Variants in KIAA1671 observed in about 807,000 individuals in gnomAD.
The protein encoded by KIAA1671 is KIAA1671.
Under a neutral mutation model 131.2 loss-of-function variants are expected in KIAA1671, and 52 were observed. The ratio of observed to expected loss-of-function variants is 0.40; its 90% confidence interval spans 0.32 to 0.50. KIAA1671 has a LOEUF of 0.50. KIAA1671 is among the 20% of genes least tolerant of loss of function. The probability of loss-of-function intolerance (pLI) is 0.73; values close to 1 mark genes in which losing one functional copy is unlikely to be tolerated. For synonymous variants in KIAA1671, 1,003 were observed against 961.6 expected (o/e 1.04, Z -0.80); for missense variants, 2,360 against 2,364.2 (o/e 1.00, Z 0.04).
chr22:25,108,464 G>A (rs1310187103), intron 6 of KIAA1671, among the ~76,000 whole-genome samples: 1 of 152,160 alleles, frequency 6.6e-6, no homozygotes, highest in Non-Finnish European at 1.5e-5. Flanking sequence ...CATGGTGTAG[G>A]AGCTCACTAT....
chr22:25,047,805 A>G (rs1224750067), intron 5 of KIAA1671, among the ~76,000 whole-genome samples: 1 of 152,230 alleles, frequency 6.6e-6, no homozygotes, highest in Admixed American at 6.5e-5. Flanking sequence ...TTAAAGCACA[A>G]AAGTTTTTAA....
chr22:25,015,878 G>GTT (rs1925287637), intron 1 of KIAA1671, among the ~76,000 whole-genome samples: 1 of 152,120 alleles, frequency 6.6e-6, no homozygotes, highest in Admixed American at 6.5e-5. Flanking sequence ...TGCTAATTAT[G>GTT]TCAATTCTTA....
chr22:24,962,738 C>A (rs1922079341), intron 1 of KIAA1671, among the ~76,000 whole-genome samples: 1 of 152,156 alleles, frequency 6.6e-6, no homozygotes, highest in South Asian at 2.1e-4. Context: ...TGCTTCCCTT[C>A]CTGGGAGCCA....
At chr22:25,097,289 GTGT>G (rs903323476) in intron 6 of KIAA1671, among the ~76,000 whole-genome samples, 15 of 152,274 alleles carry the variant, frequency 9.9e-5, no homozygotes, top group African/African-American at 2.4e-4. Context: ...TGGTACAATG[GTGT>G]TGTTTCATCA....
At chr22:25,042,503 G>T (rs910250302) in intron 5 of KIAA1671, among the ~76,000 whole-genome samples, 1 of 120,466 alleles carries the variant, frequency 8.3e-6, no homozygotes, top group African/African-American at 3.4e-5. Flanking sequence ...GTCTCACACT[G>T]TCACCTGGGC....
chr22:25,129,700 C>T (rs1300462610), intron 6 of KIAA1671, among the ~76,000 whole-genome samples: 1 of 150,504 alleles, frequency 6.6e-6, no homozygotes, highest in Non-Finnish European at 1.5e-5. Flanking sequence ...CCCTGTTCCC[C>T]AGGCTGGAGT....
chr22:25,021,091 G>T (rs2123891224), intron 1 of KIAA1671, among the ~76,000 whole-genome samples: 1 of 152,214 alleles, frequency 6.6e-6, no homozygotes, highest in Non-Finnish European at 1.5e-5. Context: ...TTAAGACAGG[G>T]TCTGGCTTTG....
chr22:24,979,410 G>A (rs1400253243), intron 1 of KIAA1671, among the ~76,000 whole-genome samples: 1 of 149,108 alleles, frequency 6.7e-6, no homozygotes, highest in Non-Finnish European at 1.5e-5. Flanking sequence ...ACTGCAGTGC[G>A]GCTATCTCAG....
At position 25,100,001 on chromosome 22, in the gene KIAA1671, GC is replaced by G. The variant is rs556335534; in HGVS notation, c.4530+50641del. ...TGAGGCAGGAGAAGGTGGTGCAAGG[GC>G]CCCAGGCCATACAGTATTTGTAACT... On this transcript the variant is annotated intron_variant, in intron 6 of 12. Transcript: ENST00000358431. 3.0e-3 allele frequency among the ~76,000 whole-genome samples: 452 copies of G among 152,346 alleles called. 6 individuals are homozygous for G. Among genetic ancestry groups the G allele is most frequent in the Admixed American group, 7.1e-3 (109 of 15,310 alleles).
chr22:24,965,633 G>A lies in KIAA1671; in HGVS notation c.-208+12861G>A, dbSNP rs1162458042. On this transcript the variant is annotated intron_variant, in intron 1 of 12. Coordinates refer to ENST00000358431, the MANE Select transcript of KIAA1671 (RefSeq NM_001145206.2). Reference sequence around the variant, plus strand: ...GCGACACCTGTAATCCCAGCTACTCGGGAGGCTGAGGCGGGAGAATCGCTT... The same window carrying A: ...GCGACACCTGTAATCCCAGCTACTCAGGAGGCTGAGGCGGGAGAATCGCTT... 4.0e-5 allele frequency among the ~76,000 whole-genome samples: 6 copies of A among 151,742 alleles called. No homozygotes were observed. In the East Asian group the frequency reaches 9.6e-4, roughly 24 times the overall value.
At chr22:25,063,278 T>C (rs149830415) in intron 6 of KIAA1671, 2 of 152,256 alleles carry the variant, frequency 1.3e-5, no homozygotes, top group Admixed American at 1.3e-4. Context: ...AGCTAAACTG[T>C]GTCTACTTGC....
At chr22:24,969,282 C>T (rs373615079) in intron 1 of KIAA1671, among the ~76,000 whole-genome samples, 17 of 152,194 alleles carry the variant, frequency 1.1e-4, no homozygotes, top group East Asian at 7.7e-4. Flanking sequence ...CCTCAGATAC[C>T]GAAATCTGAG....
chr22:24,992,837 A>AAAAAAAAAAC, intron 1 of KIAA1671, among the ~76,000 whole-genome samples: 1 of 151,378 alleles, frequency 6.6e-6, no homozygotes, highest in Non-Finnish European at 1.5e-5. Flanking sequence ...AAAAAAAAAA[A>AAAAAAAAAAC]AGACAATGCC....
chr22:25,179,702 CTCTT>C (rs1340476094), intron 9 of KIAA1671: 1 of 597,198 alleles, frequency 1.7e-6, no homozygotes, highest in Non-Finnish European at 2.9e-6. Context: ...TTAATTGAGG[CTCTT>C]TGAGTTACAA....
intron 6 of KIAA1671, among the ~76,000 whole-genome samples, chr22:25,155,240 C>T (rs1233152365): frequency 6.6e-6 from 1 of 152,196 alleles, no homozygotes; most frequent in Non-Finnish European, 1.5e-5. Context: ...CATGTTAATT[C>T]CCTTGCACTG....
At chr22:25,026,069 A>G (rs1034512992) in intron 2 of KIAA1671, among the ~76,000 whole-genome samples, 3 of 152,130 alleles carry the variant, frequency 2.0e-5, no homozygotes, top group Non-Finnish European at 4.4e-5. Flanking sequence ...CAGATTCTTC[A>G]TATCTGTCCC....
At chr22:25,069,187 C>G (rs895740802) in intron 6 of KIAA1671, among the ~76,000 whole-genome samples, 39 of 152,100 alleles carry the variant, frequency 2.6e-4, no homozygotes, top group African/African-American at 8.9e-4. Flanking sequence ...ATACTGCCCT[C>G]ATGATATGAC....
intron 1 of KIAA1671, among the ~76,000 whole-genome samples, chr22:24,961,414 A>C (rs937125584): frequency 1.3e-5 from 2 of 152,214 alleles, no homozygotes; most frequent in African/African-American, 4.8e-5. Context: ...TTCTGTGATC[A>C]TACTGTGTAA....
At chr22:25,015,747 C>T (rs1487187136) in intron 1 of KIAA1671, among the ~76,000 whole-genome samples, 2 of 152,094 alleles carry the variant, frequency 1.3e-5, no homozygotes, top group East Asian at 3.9e-4. Context: ...GTGTCCTACC[C>T]TACATCCCAT....
Sources: allele counts gnomAD v4.1 joint callset (sites outside exome capture counted in the v4.1 genomes callset), GRCh38; gene constraint gnomAD v4.1.1; transcripts MANE v1.5; gene names NCBI Gene and HGNC (gene_info 2026-07-23, HGNC 2026-07-21).